LRP1B: variants seen among roughly 807,000 people sequenced by gnomAD.
LRP1B encodes low-density lipoprotein receptor-related protein 1B.
In LRP1B, 217 loss-of-function variants were observed where a neutral mutation model predicts 556.6. The observed-to-expected ratio is 0.39, with a 90% CI of 0.35 to 0.44. LRP1B has a LOEUF of 0.44. Ranked by LOEUF, LRP1B falls within the 20% of genes least tolerant of loss-of-function variation. The pLI, the probability that LRP1B is intolerant of heterozygous loss-of-function variation, is 1.00. For missense variants in LRP1B, 5,053 were observed against 5,620.8 expected, an observed-to-expected ratio of 0.90 and a Z score of 3.23; for synonymous variants, 2,047 against 1,865.8, an observed-to-expected ratio of 1.10 and a Z score of -2.50.
chr2:141,722,069 A>G (rs1692836800), intron 2 of LRP1B, among the ~76,000 whole-genome samples: 1 of 152,324 alleles, frequency 6.6e-6, no homozygotes, highest in Admixed American at 6.5e-5. Flanking sequence ...ATGCTGGAAC[A>G]TCATGCTTTC....
chr2:142,031,713 T>C (rs577084854), intron 1 of LRP1B, among the ~76,000 whole-genome samples: 25 of 151,828 alleles, frequency 1.6e-4, no homozygotes, highest in African/African-American at 6.0e-4. Context: ...TCTACGTCCA[T>C]TGTTCAACAT....
At chr2:142,095,962 C>T (rs1706349628) in intron 1 of LRP1B, among the ~76,000 whole-genome samples, 1 of 151,596 alleles carries the variant, frequency 6.6e-6, no homozygotes. Context: ...GGTGAATAGT[C>T]CTATATGTCA....
chr2:140,668,692 T>C (rs1305855659), intron 41 of LRP1B, among the ~76,000 whole-genome samples: 5 of 151,702 alleles, frequency 3.3e-5, no homozygotes, highest in Admixed American at 3.3e-4. Flanking sequence ...TCAGAATTTC[T>C]GATATGTCTC....
At chr2:141,138,220 A>G (rs1416858428) in intron 7 of LRP1B, among the ~76,000 whole-genome samples, 1 of 151,984 alleles carries the variant, frequency 6.6e-6, no homozygotes, top group Non-Finnish European at 1.5e-5. Flanking sequence ...TCTAACATCC[A>G]TTACTGACAA....
chr2:141,578,287 C>T (rs1338051373), intron 2 of LRP1B, among the ~76,000 whole-genome samples: 1 of 151,798 alleles, frequency 6.6e-6, no homozygotes, highest in South Asian at 2.1e-4. Flanking sequence ...ATCCCTGTTA[C>T]TCAGGAGGCT....
intron 11 of LRP1B, among the ~76,000 whole-genome samples, chr2:141,038,667 A>G (rs1698608670): frequency 6.6e-6 from 1 of 152,076 alleles, no homozygotes; most frequent in Non-Finnish European, 1.5e-5. Flanking sequence ...TGGTATCCCT[A>G]AAGTCAAGTC....
intron 66 of LRP1B, among the ~76,000 whole-genome samples, chr2:140,436,227 T>C (rs2105291520): frequency 6.6e-6 from 1 of 152,260 alleles, no homozygotes; most frequent in East Asian, 1.9e-4. Context: ...CCTACCAAGT[T>C]TGTAGAAAAA....
At chr2:140,454,907 C>G (rs56261292) in intron 62 of LRP1B, among the ~76,000 whole-genome samples, 1 of 152,016 alleles carries the variant, frequency 6.6e-6, no homozygotes, top group Non-Finnish European at 1.5e-5. Flanking sequence ...ATTAAGTCAT[C>G]GCCACTGTAG....
chr2:140,334,593 G>T, intron 78 of LRP1B, 34 bp from the exon 79 acceptor site: 2 of 1,225,792 alleles, frequency 1.6e-6, no homozygotes, highest in Non-Finnish European at 2.3e-6. Flanking sequence ...TTAGCCTGGT[G>T]ATGGTGCTGC....
chr2:141,365,636 T>TTGC (rs1688996951), intron 3 of LRP1B, among the ~76,000 whole-genome samples: 1 of 150,716 alleles, frequency 6.6e-6, no homozygotes, highest in Non-Finnish European at 1.5e-5. Flanking sequence ...CTAATTTTTG[T>TTGC]TTTGGTTTGT....
At chr2:140,895,801 ACT>A (rs1693937468) in intron 23 of LRP1B, among the ~76,000 whole-genome samples, 1 of 151,928 alleles carries the variant, frequency 6.6e-6, no homozygotes, top group Non-Finnish European at 1.5e-5. Flanking sequence ...CCCAGGCCAA[ACT>A]CTTCTCCAAG....
intron 2 of LRP1B, among the ~76,000 whole-genome samples, chr2:141,679,862 GAT>G (rs2105427798): frequency 6.6e-6 from 1 of 151,180 alleles, no homozygotes; most frequent in South Asian, 2.1e-4. Context: ...CTTTTATATA[GAT>G]ATGAGATATA....
At chr2:141,753,431 A>C (rs1574322286) in intron 2 of LRP1B, among the ~76,000 whole-genome samples, 1 of 151,280 alleles carries the variant, frequency 6.6e-6, no homozygotes, top group African/African-American at 2.4e-5. Flanking sequence ...CAATGGGCCC[A>C]CCAGTTTGTA....
intron 2 of LRP1B, among the ~76,000 whole-genome samples, chr2:141,753,594 T>C (rs1694210521): frequency 6.6e-6 from 1 of 151,968 alleles, no homozygotes; most frequent in African/African-American, 2.4e-5. Context: ...TTGCCTTTCT[T>C]TCACTATTTC....
At chr2:141,724,463 T>C (rs1039328532) in intron 2 of LRP1B, among the ~76,000 whole-genome samples, 2 of 151,910 alleles carry the variant, frequency 1.3e-5, no homozygotes, top group Non-Finnish European at 2.9e-5. Flanking sequence ...TCTTCATTTC[T>C]TCGTAATGCT....
At chr2:140,452,953 G>A (rs1168918089) in intron 62 of LRP1B, among the ~76,000 whole-genome samples, 2 of 80,232 alleles carry the variant, frequency 2.5e-5, no homozygotes, top group Non-Finnish European at 5.6e-5. Context: ...TGTTGTGTGT[G>A]TGTGTGTGTT....
rs193258412 is a variant in LRP1B at position 141,886,072 on chromosome 2, C to A, written c.83-75671G>T. Among the ~76,000 whole-genome samples the A allele has an allele frequency of 5.0e-4, 76 of 152,246 alleles. 1 individual carries two copies. Among genetic ancestry groups the A allele is most frequent in the African/African-American group, 1.8e-3 (74 of 41,546 alleles). ...AAAGATGTGAAGAAAACCTCTAAAA[C>A]CTCACTGGAAAATTTATGTGAGGAC... On this transcript the variant is annotated intron_variant, in intron 1 of 90. Coordinates refer to ENST00000389484, the MANE Select transcript of LRP1B (RefSeq NM_018557.3).
intron 2 of LRP1B, among the ~76,000 whole-genome samples, chr2:141,617,763 CTTT>C (rs1688361604): frequency 1.3e-5 from 2 of 152,190 alleles, no homozygotes; most frequent in South Asian, 4.1e-4. Context: ...CTTTTTGTCA[CTTT>C]TTATTTTACT....
At chr2:140,246,943 TC>T (rs1276516754) in intron 87 of LRP1B, 142 bp downstream of exon 87, 2 of 580,896 alleles carry the variant, frequency 3.4e-6, no homozygotes, top group Non-Finnish European at 6.2e-6. Flanking sequence ...CAGTGCTTCC[TC>T]TTTCAAAAAC....
Sources: gnomAD v4.1 joint callset for allele counts (sites outside exome capture counted in the v4.1 genomes callset) on GRCh38, gnomAD v4.1.1 for gene constraint, MANE v1.5 for transcripts, NCBI Gene and HGNC (gene_info 2026-07-23, HGNC 2026-07-21) for gene names.